The following VPS13B variants were observed in gnomAD, a reference collection of about 807,000 sequenced individuals.
VPS13B encodes vacuolar protein sorting 13 homolog B.
VPS13B carries 285 observed loss-of-function variants against 426.4 expected under a neutral mutation model. The observed-to-expected ratio is 0.67, with a 90% CI of 0.61 to 0.74. The LOEUF (loss-of-function observed/expected upper bound fraction) is 0.74, where lower values mean the gene tolerates loss of function less well. VPS13B is among the 30% of genes least tolerant of loss of function. The pLI is 0.00. For synonymous variants in VPS13B, 1,676 were observed against 1,676.4 expected (o/e 1.00, Z 0.01); for missense variants, 4,537 against 4,782.6 (o/e 0.95, Z 1.51).
chr8:99,797,581 A>G (rs1315107458), intron 43 of VPS13B, among the ~76,000 whole-genome samples: 2 of 152,164 alleles, frequency 1.3e-5, no homozygotes, highest in Non-Finnish European at 2.9e-5. Flanking sequence ...TATACTGTCA[A>G]TTCAGTTGGG....
intron 3 of VPS13B, among the ~76,000 whole-genome samples, chr8:99,056,500 C>T (rs1447643941): frequency 6.6e-6 from 1 of 152,164 alleles, no homozygotes; most frequent in African/African-American, 2.4e-5. Context: ...TTTCTGTCTC[C>T]AATTTGGATG....
chr8:99,661,549 G>A, intron 35 of VPS13B, 58 bp downstream of exon 35: 1 of 1,578,952 alleles, frequency 6.3e-7, no homozygotes. Flanking sequence ...ATATTAGCAT[G>A]TATATAGGAT....
chr8:99,742,301 A>G, intron 39 of VPS13B, among the ~76,000 whole-genome samples: 1 of 152,214 alleles, frequency 6.6e-6, no homozygotes, highest in Non-Finnish European at 1.5e-5. Flanking sequence ...TGAATAGACC[A>G]ATAACAGGCT....
At chr8:99,514,377 A>G (rs1326221886) in intron 29 of VPS13B, among the ~76,000 whole-genome samples, 1 of 152,308 alleles carries the variant, frequency 6.6e-6, no homozygotes, top group African/African-American at 2.4e-5. Context: ...ATGTTGTGCA[A>G]CCATCACCAC....
intron 19 of VPS13B, among the ~76,000 whole-genome samples, chr8:99,349,413 G>T (rs1811744537): frequency 6.6e-6 from 1 of 151,010 alleles, no homozygotes; most frequent in Non-Finnish European, 1.5e-5. Context: ...CTTATTGGAG[G>T]TACAACTTAA....
At chr8:99,503,319 T>C (rs1821336470) in intron 27 of VPS13B, among the ~76,000 whole-genome samples, 1 of 152,188 alleles carries the variant, frequency 6.6e-6, no homozygotes, top group Non-Finnish European at 1.5e-5. Flanking sequence ...TGATGGAAGG[T>C]CTTGTCTTGA....
intron 17 of VPS13B, among the ~76,000 whole-genome samples, chr8:99,258,993 A>G (rs1205293377): frequency 6.6e-6 from 1 of 151,938 alleles, no homozygotes; most frequent in Non-Finnish European, 1.5e-5. Flanking sequence ...CCCAGCTTGT[A>G]TTGTTTATAT....
rs556482474 is a variant in VPS13B, at chr8:99,850,524, T to A, written c.10061+1630T>A. Among the ~76,000 whole-genome samples the A allele has an allele frequency of 2.6e-5, 4 of 152,336 alleles. No homozygotes were observed. The South Asian group carries it at 8.3e-4, about 32-fold the overall frequency. On this transcript the variant is annotated intron_variant, in intron 55 of 61. Transcript: ENST00000357162. ...ATATGTAATTATTATTTGATTTCTGTATTTTGATTATTTATAATAGCATTT... is the reference window on the plus strand; with the variant it reads ...ATATGTAATTATTATTTGATTTCTGAATTTTGATTATTTATAATAGCATTT...
chr8:99,284,761 A>G lies in VPS13B; in HGVS notation c.2824+9507A>G, dbSNP rs34359697. 8.1e-3 allele frequency among the ~76,000 whole-genome samples: 1,225 copies of G among 151,552 alleles called. 7 individuals are homozygous for G. Among genetic ancestry groups the G allele is most frequent in the Middle Eastern group, 0.014 (4 of 294 alleles). ...GTTTTTGTAGAGACAGAGTCCCACT[A>G]TGTTGCCCAGGTTGGTCTTGAACTC... On this transcript the variant is annotated intron_variant, in intron 19 of 61. Transcript: ENST00000357162.
intron 5 of VPS13B, 76 bp downstream of exon 5, chr8:99,103,196 C>A: frequency 6.6e-7 from 1 of 1,518,918 alleles, no homozygotes; most frequent in Non-Finnish European, 9.1e-7. Context: ...CTTCTTTGGG[C>A]CAACTGAGTT....
intron 15 of VPS13B, among the ~76,000 whole-genome samples, chr8:99,163,837 A>G (rs990422879): frequency 1.3e-5 from 2 of 152,184 alleles, no homozygotes; most frequent in Non-Finnish European, 2.9e-5. Context: ...CAGCCCAGAA[A>G]GGGGCTCCCA....
chr8:99,057,142 A>G (rs1015390766), intron 3 of VPS13B, among the ~76,000 whole-genome samples: 8 of 152,008 alleles, frequency 5.3e-5, no homozygotes, highest in African/African-American at 1.7e-4. Context: ...TCCTCCATAA[A>G]TAATAATACC....
intron 17 of VPS13B, among the ~76,000 whole-genome samples, chr8:99,242,781 AATT>A (rs1490097533): frequency 2.0e-5 from 3 of 152,064 alleles, no homozygotes; most frequent in Admixed American, 6.5e-5. Context: ...ATGCTTTCCT[AATT>A]ATTATTTTTA....
intron 23 of VPS13B, among the ~76,000 whole-genome samples, chr8:99,451,900 G>C (rs537227085): frequency 4.6e-5 from 7 of 152,210 alleles, no homozygotes; most frequent in Non-Finnish European, 1.0e-4. Flanking sequence ...AGACATGTTT[G>C]TACAACACAG....
intron 17 of VPS13B, among the ~76,000 whole-genome samples, chr8:99,271,878 G>C (rs1818627924): frequency 6.6e-6 from 1 of 152,046 alleles, no homozygotes; most frequent in Admixed American, 6.6e-5. Flanking sequence ...TAAAACCTTG[G>C]GATTATAATT....
chr8:99,771,581 C>A (rs1038819587), intron 40 of VPS13B, among the ~76,000 whole-genome samples: 1 of 152,148 alleles, frequency 6.6e-6, no homozygotes, highest in African/African-American at 2.4e-5. Context: ...AAGAAGAACT[C>A]CTTTTCATTT....
chr8:99,214,017 A>G (rs946615366), intron 17 of VPS13B, among the ~76,000 whole-genome samples: 11 of 152,010 alleles, frequency 7.2e-5, no homozygotes, highest in African/African-American at 2.7e-4. Context: ...TACCCATTTA[A>G]TTTTTTAAAA....
At chr8:99,017,530 T>C (rs1003078499) in intron 2 of VPS13B, among the ~76,000 whole-genome samples, 10 of 152,062 alleles carry the variant, frequency 6.6e-5, no homozygotes, top group African/African-American at 2.2e-4. Context: ...AGTCTTGCTC[T>C]GTAGCCCAGG....
chr8:99,310,544 A>C (rs1820899433), intron 19 of VPS13B, among the ~76,000 whole-genome samples: 3 of 152,160 alleles, frequency 2.0e-5, no homozygotes, highest in African/African-American at 7.2e-5. Flanking sequence ...AGCCCACTTG[A>C]TCATGGTGTA....
Sources: allele counts gnomAD v4.1 joint callset (sites outside exome capture counted in the v4.1 genomes callset), GRCh38; gene constraint gnomAD v4.1.1; transcripts MANE v1.5; gene names NCBI Gene and HGNC (gene_info 2026-07-23, HGNC 2026-07-21).